The following PTPRN2 variants were observed in gnomAD, a reference collection of about 807,000 sequenced individuals.
The protein encoded by PTPRN2 is receptor-type tyrosine-protein phosphatase N2.
A neutral mutation model predicts 118.8 loss-of-function variants in PTPRN2; 74 were observed. That is an observed-to-expected ratio of 0.62 (90% CI 0.52 to 0.76). The LOEUF is 0.76. PTPRN2 is among the 30% of genes least tolerant of loss of function. The pLI is 0.00. For missense variants in PTPRN2, 1,481 were observed against 1,394.4 expected (o/e 1.06, Z -0.99); for synonymous variants, 641 against 608.0 (o/e 1.05, Z -0.80).
chr7:158,585,838 G>C (rs1209793395), intron 1 of PTPRN2, among the ~76,000 whole-genome samples: 1 of 152,218 alleles, frequency 6.6e-6, no homozygotes, highest in Non-Finnish European at 1.5e-5. Context: ...TGTAGGTGAA[G>C]GGCGGCACCT....
intron 10 of PTPRN2, among the ~76,000 whole-genome samples, chr7:158,103,003 G>A (rs1020202333): frequency 2.6e-5 from 4 of 152,184 alleles, no homozygotes; most frequent in Non-Finnish European, 4.4e-5. Flanking sequence ...AGTCCATGGG[G>A]AACCCCTCCT....
intron 6 of PTPRN2, among the ~76,000 whole-genome samples, chr7:158,160,673 T>C (rs1322204543): frequency 6.6e-6 from 1 of 152,196 alleles, no homozygotes; most frequent in Non-Finnish European, 1.5e-5. Context: ...TCAGGGTATT[T>C]CAGATGCCTG....
In PTPRN2 at chr7:158,183,241, T is replaced by A. The variant is rs116715851; in HGVS notation, c.549+9086A>T. Among the ~76,000 whole-genome samples, 397 of 152,350 alleles carry A rather than the reference T, an allele frequency of 2.6e-3. 1 individual carries two copies. The highest frequency in any genetic ancestry group is 9.1e-3 in the African/African-American group (377 of 41,574). On this transcript the variant is annotated intron_variant, in intron 5 of 22. Transcript: ENST00000389418. ...TTGGTTTGTGTCTTTTTATCCATTC[T>A]ACCAATCTGTTATCTTTTAAATGGA...
chr7:158,215,005 A>G (rs1827860770), intron 3 of PTPRN2, among the ~76,000 whole-genome samples: 1 of 152,238 alleles, frequency 6.6e-6, no homozygotes, highest in Admixed American at 6.5e-5. Context: ...AAGATCACAA[A>G]ATAAATAGAA....
At chr7:157,992,985 G>A (rs1021806010) in intron 11 of PTPRN2, among the ~76,000 whole-genome samples, 1 of 152,220 alleles carries the variant, frequency 6.6e-6, no homozygotes, top group Non-Finnish European at 1.5e-5. Flanking sequence ...CCTGAGCCTG[G>A]AGCCCCCGTC....
chr7:157,963,659 TG>T (rs1296620936), intron 11 of PTPRN2, among the ~76,000 whole-genome samples: 1 of 152,214 alleles, frequency 6.6e-6, no homozygotes, highest in African/African-American at 2.4e-5. Context: ...GAGAGAAGTC[TG>T]CAGGGGGGAG....
rs1409479769 is a variant in PTPRN2, at chr7:157,779,981, G to C, written c.1789-97044C>G. ...CGGGTTAATAAAAATGCTGACCCCAGTTCCCAAGGTCCACAATGTCCATGG... is the reference window on the plus strand; with the variant it reads ...CGGGTTAATAAAAATGCTGACCCCACTTCCCAAGGTCCACAATGTCCATGG... On this transcript the variant is annotated intron_variant, in intron 12 of 22. Coordinates refer to ENST00000389418, the MANE Select transcript of PTPRN2 (RefSeq NM_002847.5). The surrounding 1 kb of genome is among the most constrained non-coding windows in gnomAD (Gnocchi z 4.7). 6.6e-6 allele frequency among the ~76,000 whole-genome samples: 1 copy of C among 152,176 alleles called. No homozygotes were observed. Among genetic ancestry groups the C allele is most frequent in the East Asian group, 1.9e-4 (1 of 5,202 alleles).
chr7:158,129,466 ACT>A (rs1487064776), intron 9 of PTPRN2, among the ~76,000 whole-genome samples: 1 of 148,948 alleles, frequency 6.7e-6, no homozygotes, highest in African/African-American at 2.5e-5. Context: ...TATACAACAC[ACT>A]GTGCACCACA....
chr7:157,682,022 T>G (rs1796936934), intron 13 of PTPRN2, among the ~76,000 whole-genome samples: 2 of 152,254 alleles, frequency 1.3e-5, no homozygotes, highest in African/African-American at 2.4e-5. Flanking sequence ...TATTCTGGGC[T>G]TATGCTGCTG....
At chr7:158,083,009 G>A (rs907603773) in intron 10 of PTPRN2, among the ~76,000 whole-genome samples, 6 of 152,158 alleles carry the variant, frequency 3.9e-5, no homozygotes, top group Non-Finnish European at 7.3e-5. Flanking sequence ...TCCTGCCAAC[G>A]ATGTTCCACT....
At chr7:158,113,696 C>T (rs975669656) in intron 9 of PTPRN2, among the ~76,000 whole-genome samples, 2 of 152,178 alleles carry the variant, frequency 1.3e-5, no homozygotes, top group African/African-American at 4.8e-5. Context: ...TGAATCCTTC[C>T]TGGGGACAGA....
intron 12 of PTPRN2, among the ~76,000 whole-genome samples, chr7:157,812,080 C>T (rs1806078562): frequency 6.6e-6 from 1 of 152,168 alleles, no homozygotes; most frequent in Admixed American, 6.5e-5. Flanking sequence ...GAGGGTTTGG[C>T]CGGGCTCCCC....
At chr7:158,342,591 C>G (rs71547526) in intron 2 of PTPRN2, among the ~76,000 whole-genome samples, 1 of 151,634 alleles carries the variant, frequency 6.6e-6, no homozygotes, top group East Asian at 1.9e-4. Flanking sequence ...TCGCTCACAC[C>G]CACACTCTCA....
rs544066983 is a variant in PTPRN2 at position 157,655,965 on chromosome 7, G to C, written c.2196+392C>G. On this transcript the variant is annotated intron_variant, in intron 14 of 22. Coordinates refer to ENST00000389418, the MANE Select transcript of PTPRN2 (RefSeq NM_002847.5). ...AGCAGTGACATTTATTTACCCAAAT[G>C]ACGCTTGCTGGCCTTGAGTGCCAAG... 4.6e-4 allele frequency among the ~76,000 whole-genome samples: 70 copies of C among 151,814 alleles called. 1 individual carries two copies. Among genetic ancestry groups the C allele is most frequent in the Admixed American group, 4.6e-4 (7 of 15,234 alleles).
chr7:157,708,758 A>G (rs1435093739), intron 12 of PTPRN2, among the ~76,000 whole-genome samples: 1 of 152,182 alleles, frequency 6.6e-6, no homozygotes, highest in Non-Finnish European at 1.5e-5. Flanking sequence ...GCTCTCCGTG[A>G]GACTTACGGG....
chr7:158,535,416 C>A (rs1355912559), intron 1 of PTPRN2, among the ~76,000 whole-genome samples: 1 of 152,202 alleles, frequency 6.6e-6, no homozygotes, highest in African/African-American at 2.4e-5. Flanking sequence ...CTCACTGGGT[C>A]ATGGTAAGAA....
chr7:157,964,345 A>G lies in PTPRN2; in HGVS notation c.1724-65608T>C, dbSNP rs1390896080. On this transcript the variant is annotated intron_variant, in intron 11 of 22. Coordinates refer to ENST00000389418, the MANE Select transcript of PTPRN2 (RefSeq NM_002847.5). This position sits in a 1 kb window ranked among gnomAD's most constrained non-coding sequence, Gnocchi z 9.0. ...AAGCTGGACCCCACCCCCCAGGCTA[A>G]TTCATCAGCAAGATGTTGGCAACTG... is the stretch of plus-strand genomic sequence containing the variant. Among the ~76,000 whole-genome samples the G allele has an allele frequency of 6.6e-6, 1 of 152,064 alleles. No homozygotes were observed. Among genetic ancestry groups the G allele is most frequent in the African/African-American group, 2.4e-5 (1 of 41,414 alleles).
intron 1 of PTPRN2, among the ~76,000 whole-genome samples, chr7:158,559,982 T>G (rs1827274727): frequency 6.6e-6 from 1 of 152,248 alleles, no homozygotes; most frequent in African/African-American, 2.4e-5. Context: ...CTTCCCAAAC[T>G]GAAACTCTGT....
rs540370259 is a variant in PTPRN2 at position 158,217,460 on chromosome 7, C to T, written c.278-12187G>A. Among the ~76,000 whole-genome samples, 12 of 152,294 alleles carry T rather than the reference C, an allele frequency of 7.9e-5. No individual in the cohort carries two copies. The East Asian group carries it at 2.3e-3, about 29-fold the overall frequency. On this transcript the variant is annotated intron_variant, in intron 3 of 22. Coordinates refer to ENST00000389418, the MANE Select transcript of PTPRN2 (RefSeq NM_002847.5). The stretch of plus-strand genomic sequence containing the variant: ...CGAACATAAAAACAAAAAGCCCTAT[C>T]CCCAGGACAGCAACTTCAAAAGGAT...
Sources: gnomAD v4.1 joint callset for allele counts (sites outside exome capture counted in the v4.1 genomes callset) on GRCh38, gnomAD v4.1.1 for gene constraint, Gnocchi (gnomAD v3.1) non-coding constraint, MANE v1.5 for transcripts, NCBI Gene and HGNC (gene_info 2026-07-23, HGNC 2026-07-21) for gene names.